COL6A3: variants seen among roughly 807,000 people sequenced by gnomAD.
COL6A3 encodes collagen type VI alpha 3 chain, also known as collagen alpha-3(VI) chain.
Under a neutral mutation model 274.1 loss-of-function variants are expected in COL6A3, and 137 were observed. The ratio of observed to expected loss-of-function variants is 0.50; its 90% CI spans 0.44 to 0.58. The LOEUF (loss-of-function observed/expected upper bound fraction) is 0.58, where lower values mean the gene tolerates loss of function less well. Among genes scored for constraint, COL6A3 ranks in the 20% least tolerant of loss-of-function variants. COL6A3 has a pLI of 0.00. For missense variants in COL6A3, 3,950 were observed against 4,124.9 expected, an observed-to-expected ratio of 0.96 and a Z score of 1.16; for synonymous variants, 1,650 against 1,650.6, an observed-to-expected ratio of 1.00 and a Z score of 0.01.
At chr2:237,332,079 AT>A (rs1369909285) in intron 42 of COL6A3, among the ~76,000 whole-genome samples, 4 of 9,824 alleles carry the variant, frequency 4.1e-4, no homozygotes, top group African/African-American at 4.9e-4. Context: ...ACATATATAT[AT>A]ATATATATAT....
chr2:237,352,638 G>A, intron 25 of COL6A3, 54 bp from the exon 26 acceptor site: 1 of 1,524,324 alleles, frequency 6.6e-7, no homozygotes, highest in Non-Finnish European at 9.0e-7. Context: ...TCCATGAGAA[G>A]CCTCTGCATG....
rs556521612 is a variant in COL6A3 at position 237,394,438 on chromosome 2, C to T, written c.709+149G>A. ...GGGGAGAAGACTATGGAAGAATATT[C>T]CAAATCAAACCTTTGTTTTTAAACC... On this transcript the variant is annotated intron_variant, in intron 3 of 43. Transcript: ENST00000295550. 5.6e-5 allele frequency: 55 copies of T among 976,146 alleles called. 1 individual carries two copies. The East Asian group carries it at 1.3e-3, about 23-fold the overall frequency. The allele number at this position is 976,146 out of a possible 1,614,324, so 60.5% of individuals were successfully genotyped here. A position where few individuals can be genotyped will look rare whatever the true frequency, so the allele number is the denominator to read the frequency against.
rs114357878 is a variant in COL6A3, at chr2:237,366,784, G to A, written c.5403C>T (p.Asn1801=). The A allele has an allele frequency of 4.8e-5, 77 of 1,614,236 alleles. No individual in the cohort carries two copies. In the South Asian group the frequency reaches 5.2e-4, roughly 11 times the overall value. ...CGCTCAGTTCGGACAGCTCCTGGAC[G>A]TTGCCCACGCGGAACGCTGTGGCGC... ...SNSATAFRVG[N]VQELSELSEQ... The change falls in exon 11 of 44, where the codon AAC becomes AAT. Residue 1801 remains asparagine, a synonymous_variant. Coordinates refer to ENST00000295550, the MANE Select transcript of COL6A3 (RefSeq NM_004369.4).
At chr2:237,376,714 C>CCT (rs1470415375) in intron 7 of COL6A3, 58 bp downstream of exon 7, 3 of 1,566,436 alleles carry the variant, frequency 1.9e-6, no homozygotes. Context: ...AGCAGCCTAC[C>CCT]CTCAACTCAT....
chr2:237,357,469 G>T, intron 22 of COL6A3, 78 bp from the exon 23 acceptor site: 1 of 1,310,068 alleles, frequency 7.6e-7, no homozygotes, highest in Non-Finnish European at 1.1e-6. Flanking sequence ...ACAAGACATT[G>T]CAGGGAAAGG....
Position 237,408,738 on chromosome 2 carries a change from T to C in COL6A3, c.-31+5215A>G, listed in dbSNP as rs116252413. ...TCCCTGGCCACTTGCAATTCTCAAA[T>C]GTTTCTCTGTAATTCATGAGTTTAA... On this transcript the variant is annotated intron_variant, in intron 1 of 43. Transcript: ENST00000295550. 3.8e-3 allele frequency among the ~76,000 whole-genome samples: 577 copies of C among 152,330 alleles called. 3 individuals are homozygous for C. The highest frequency in any genetic ancestry group is 0.013 in the African/African-American group (533 of 41,562).
In COL6A3 at chr2:237,344,144, C is replaced by A; in HGVS notation, c.7668+206G>T. ...TGTGAGGAGGGACCTGGGGGCAGTG[C>A]TACAAGCATGTAGGCGTCCCTGTAG... is the stretch of plus-strand genomic sequence containing the variant. On this transcript the variant is annotated intron_variant, in intron 36 of 43. Transcript: ENST00000295550. The surrounding 1 kb of genome is among the most constrained non-coding windows in gnomAD (Gnocchi z 4.8). 1 of 730,932 alleles carries A rather than the reference C, an allele frequency of 1.4e-6. No individual in the cohort carries two copies. 45.3% of individuals were successfully genotyped at this position (730,932 alleles called of 1,614,324 possible). A position where few individuals can be genotyped will look rare whatever the true frequency, so the allele number is the denominator to read the frequency against.
At chr2:237,375,935 C>A (rs141983565) in intron 7 of COL6A3, among the ~76,000 whole-genome samples, 2 of 152,310 alleles carry the variant, frequency 1.3e-5, no homozygotes, top group East Asian at 3.9e-4. Flanking sequence ...TATTTTGGAA[C>A]TTTTCAATGC....
In COL6A3 at chr2:237,363,379, C is replaced by T; in HGVS notation, c.5937G>A (p.Leu1979=). ...LRQEGVRALI[L]VGLERVVNLE... The stretch of plus-strand genomic sequence containing the variant: ...AGTTGACCACTCGTTCAAGGCCCAC[C>T]AGGATCAAGGCACGGACTCCTGCAA... Residue 1979 remains leucine, a synonymous_variant, in exon 14 of 44, where the codon CTG becomes CTA. Transcript: ENST00000295550. 6.2e-7 allele frequency: 1 copy of T among 1,614,170 alleles called. No individual in the cohort carries two copies. Among genetic ancestry groups the T allele is most frequent in the African/African-American group, 1.3e-5 (1 of 75,042 alleles).
chr2:237,357,021 A>C, intron 23 of COL6A3: 6 of 445,190 alleles, frequency 1.3e-5, no homozygotes, highest in Non-Finnish European at 2.0e-5. Context: ...CTCCCCCAGT[A>C]TTAGGATTTC....
intron 40 of COL6A3, among the ~76,000 whole-genome samples, chr2:237,335,155 A>G (rs959128294): frequency 3.3e-5 from 5 of 152,214 alleles, no homozygotes; most frequent in African/African-American, 1.2e-4. Context: ...CCTGTTAAGA[A>G]GATACTTTGG....
In COL6A3 at chr2:237,368,586, TCCACC is replaced by T; in HGVS notation, c.4872_4876del (p.Val1625HisfsTer38). 1 of 1,614,048 alleles carries T rather than the reference TCCACC, an allele frequency of 6.2e-7. No individual in the cohort carries two copies. The highest frequency in any genetic ancestry group is 8.5e-7 in the Non-Finnish European group (1 of 1,179,972). ...ACCTGGCCGTGAAGGAGGAGGGGTG[TCCACC>T]CCTGGAGGTGCAGGAGTGGCTGCGG... On this transcript the variant is annotated frameshift_variant, in exon 10 of 44. Coordinates refer to ENST00000295550, the MANE Select transcript of COL6A3 (RefSeq NM_004369.4). LOFTEE classifies it high-confidence loss of function. This position sits in a 1 kb window ranked among gnomAD's most constrained non-coding sequence, Gnocchi z 4.4.
chr2:237,394,196 G>T (rs1363618331), intron 3 of COL6A3, among the ~76,000 whole-genome samples: 1 of 152,122 alleles, frequency 6.6e-6, no homozygotes, highest in East Asian at 1.9e-4. Flanking sequence ...CTCAGTTCAC[G>T]CACTCTCCAA....
At chr2:237,329,971 T>A (rs1700138035) in intron 42 of COL6A3, 1 of 152,256 alleles carries the variant, frequency 6.6e-6, no homozygotes, top group African/African-American at 2.4e-5. Context: ...TACAGATTGC[T>A]AATTTCAAGA....
intron 41 of COL6A3, 73 bp from the exon 42 acceptor site, chr2:237,333,621 T>C: frequency 3.8e-6 from 5 of 1,309,112 alleles, no homozygotes; most frequent in Non-Finnish European, 5.5e-6. Context: ...TAGTGACTGA[T>C]ATAAGGTTGC....
chr2:237,340,987 C>A lies in COL6A3; in HGVS notation c.7929G>T (p.Ala2643=), dbSNP rs4433949. 6.2e-7 allele frequency: 1 copy of A among 1,613,810 alleles called. No homozygotes were observed. Among genetic ancestry groups the A allele is most frequent in the South Asian group, 1.1e-5 (1 of 91,074 alleles). ...TCATGTCCAGTTGTCTGACCAGGTA[C>A]GCTATGTACTTCTTCATCTCATTGA... The part of the protein sequence containing the change: ...FQFNEMKKYI[A]YLVRQLDMSP... The change falls in exon 38 of 44, where the codon GCG becomes GCT. Residue 2643 remains alanine, a synonymous_variant. Transcript: ENST00000295550.
intron 4 of COL6A3, 21 bp from the exon 5 acceptor site, chr2:237,381,520 A>T: frequency 6.4e-7 from 1 of 1,574,726 alleles, no homozygotes; most frequent in Admixed American, 1.7e-5. Context: ...CAACATTATA[A>T]GGCAATTAGA....
intron 8 of COL6A3, among the ~76,000 whole-genome samples, chr2:237,372,938 C>CT (rs2106358631): frequency 6.6e-6 from 1 of 152,298 alleles, no homozygotes; most frequent in African/African-American, 2.4e-5. Flanking sequence ...GATGGTGCCA[C>CT]TGAGCAGGTG....
At chr2:237,391,236 A>T (rs545082569) in intron 3 of COL6A3, among the ~76,000 whole-genome samples, 36 of 151,470 alleles carry the variant, frequency 2.4e-4, no homozygotes, top group Admixed American at 3.9e-4. Flanking sequence ...TGTTAATTAG[A>T]AAAGACACAT....
Sources: allele counts gnomAD v4.1 joint callset (sites outside exome capture counted in the v4.1 genomes callset), GRCh38; gene constraint gnomAD v4.1.1; non-coding constraint Gnocchi (gnomAD v3.1); transcripts MANE v1.5; gene names NCBI Gene and HGNC (gene_info 2026-07-23, HGNC 2026-07-21).